DSCAM: variants seen among roughly 807,000 people sequenced by gnomAD.
DSCAM encodes DS cell adhesion molecule, also known as cell adhesion molecule DSCAM.
A neutral mutation model predicts 217.7 loss-of-function variants in DSCAM; 47 were observed. The ratio of observed to expected loss-of-function variants is 0.22; its 90% CI spans 0.17 to 0.28. The LOEUF is 0.28. DSCAM is among the 10% of genes least tolerant of loss of function. The pLI, the probability that DSCAM is intolerant of heterozygous loss-of-function variation, is 1.00. For synonymous variants in DSCAM, 1,056 were observed against 1,015.3 expected (o/e 1.04, Z -0.76); for missense variants, 2,080 against 2,618.3 (o/e 0.79, Z 4.49).
chr21:40,344,709 C>T (rs575224204), intron 6 of DSCAM, among the ~76,000 whole-genome samples: 2 of 152,130 alleles, frequency 1.3e-5, no homozygotes, highest in African/African-American at 2.4e-5. Flanking sequence ...TCTTTATCTT[C>T]GGTTTTCAGC....
intron 11 of DSCAM, among the ~76,000 whole-genome samples, chr21:40,213,804 G>A (rs1226022735): frequency 1.3e-5 from 2 of 152,106 alleles, no homozygotes; most frequent in Non-Finnish European, 2.9e-5. Context: ...TTTGACTAGG[G>A]GAATTTTACG....
rs1207853984 is a variant in DSCAM, at chr21:40,846,895, GC to G, written c.-235del. On this transcript the variant is annotated 5_prime_UTR_variant, in exon 1 of 33. Transcript: ENST00000400454. ...CTGCACACCTGCTCCCGGGCGCCGC[GC>G]CCCACGCTGCGGCCGGAGCCCAGGT... The G allele has an allele frequency of 1.3e-5, 2 of 151,534 alleles. No individual in the cohort carries two copies. Among genetic ancestry groups the G allele is most frequent in the African/African-American group, 4.8e-5 (2 of 41,350 alleles). The allele number at this position is 151,534 out of a possible 1,614,324, so 9.4% of individuals were successfully genotyped here.
chr21:40,179,897 C>T lies in DSCAM; in HGVS notation c.2780-803G>A, dbSNP rs78090457. Among the ~76,000 whole-genome samples the T allele has an allele frequency of 6.8e-3, 1,037 of 152,232 alleles. 16 individuals carry two copies. Among genetic ancestry groups the T allele is most frequent in the African/African-American group, 0.024 (989 of 41,534 alleles). On this transcript the variant is annotated intron_variant, in intron 14 of 32. Transcript: ENST00000400454. ...CAGTTGTTGACTGTAGGTGTGTGGTCGACAGCTGGTATTGGCTGGGGATGA... is the reference window on the plus strand; with the variant it reads ...CAGTTGTTGACTGTAGGTGTGTGGTTGACAGCTGGTATTGGCTGGGGATGA...
chr21:40,586,499 T>A (rs1429314426), intron 3 of DSCAM, among the ~76,000 whole-genome samples: 3 of 151,534 alleles, frequency 2.0e-5, no homozygotes, highest in Non-Finnish European at 2.9e-5. Context: ...AGGAGAAGGA[T>A]GTTTCAGCCC....
intron 20 of DSCAM, among the ~76,000 whole-genome samples, chr21:40,114,420 G>T (rs1218656066): frequency 6.6e-6 from 1 of 151,236 alleles, no homozygotes; most frequent in Non-Finnish European, 1.5e-5. Context: ...ATTCAAGATG[G>T]ATTAAAGACT....
intron 11 of DSCAM, among the ~76,000 whole-genome samples, chr21:40,266,061 C>G (rs1265293666): frequency 6.6e-6 from 1 of 152,144 alleles, no homozygotes; most frequent in East Asian, 1.9e-4. Flanking sequence ...TCAAAGTAAA[C>G]AGACAACCTA....
intron 20 of DSCAM, among the ~76,000 whole-genome samples, chr21:40,110,749 T>C (rs1392444405): frequency 6.6e-6 from 1 of 152,186 alleles, no homozygotes; most frequent in Non-Finnish European, 1.5e-5. Context: ...AACCACAGCA[T>C]GAGAACTACG....
intron 16 of DSCAM, among the ~76,000 whole-genome samples, chr21:40,153,714 C>A (rs1568970893): frequency 1.3e-5 from 2 of 152,160 alleles, no homozygotes; most frequent in African/African-American, 4.8e-5. Context: ...CAGGAATAAA[C>A]TCTGGGGGTG....
chr21:40,751,868 G>A (rs568416123), intron 1 of DSCAM, among the ~76,000 whole-genome samples: 74 of 152,230 alleles, frequency 4.9e-4, no homozygotes, highest in African/African-American at 1.8e-3. Flanking sequence ...GAAGCAAGCA[G>A]AGTGCATCAC....
At chr21:40,261,708 T>A (rs2073454347) in intron 11 of DSCAM, among the ~76,000 whole-genome samples, 1 of 151,882 alleles carries the variant, frequency 6.6e-6, no homozygotes, top group Non-Finnish European at 1.5e-5. Flanking sequence ...AGTATATACA[T>A]ATATACCAAT....
intron 32 of DSCAM, among the ~76,000 whole-genome samples, 186 bp from the exon 33 acceptor site, chr21:40,013,572 C>T (rs1404138394): frequency 1.3e-5 from 2 of 152,164 alleles, no homozygotes; most frequent in African/African-American, 4.8e-5. Context: ...CCTACCTCCT[C>T]CCTGGGCGCG....
At chr21:40,601,691 C>T (rs918718121) in intron 3 of DSCAM, among the ~76,000 whole-genome samples, 2 of 152,146 alleles carry the variant, frequency 1.3e-5, no homozygotes, top group African/African-American at 4.8e-5. Flanking sequence ...CCCCTCTATT[C>T]CTAGTTTGCT....
rs763685275 is a variant in DSCAM at position 40,270,989 on chromosome 21, GCC to G, written c.2356+5106_2356+5107del. Among the ~76,000 whole-genome samples, 555 of 152,348 alleles carry G rather than the reference GCC, an allele frequency of 3.6e-3. 4 individuals carry two copies. The highest frequency in any genetic ancestry group is 0.02 in the Middle Eastern group (6 of 294). On this transcript the variant is annotated intron_variant, in intron 11 of 32. Transcript: ENST00000400454. ...AAGGAGATGGGTTATTATATGTCAG[GCC>G]CAACATATCTGCCCTGGCAATGGCA...
chr21:40,488,715 G>T (rs915183438), intron 3 of DSCAM, among the ~76,000 whole-genome samples: 21 of 152,116 alleles, frequency 1.4e-4, no homozygotes, highest in Non-Finnish European at 3.1e-4. Context: ...AAAAGAAAAA[G>T]CTTTATTTCA....
At chr21:40,828,370 G>A (rs963649009) in intron 1 of DSCAM, among the ~76,000 whole-genome samples, 10 of 152,344 alleles carry the variant, frequency 6.6e-5, no homozygotes, top group Non-Finnish European at 1.2e-4. Context: ...TCACAGTAGC[G>A]AAGGTCATGT....
intron 3 of DSCAM, among the ~76,000 whole-genome samples, chr21:40,477,699 T>C (rs1360853547): frequency 6.6e-6 from 1 of 152,206 alleles, no homozygotes; most frequent in African/African-American, 2.4e-5. Context: ...GAGCACAAAT[T>C]TGTAATTATT....
At chr21:40,536,567 A>C (rs1412753866) in intron 3 of DSCAM, among the ~76,000 whole-genome samples, 1 of 151,784 alleles carries the variant, frequency 6.6e-6, no homozygotes, top group African/African-American at 2.4e-5. Flanking sequence ...ACGCCTGGCT[A>C]ATTTTTATTT....
chr21:40,836,047 G>A (rs1425378040), intron 1 of DSCAM, among the ~76,000 whole-genome samples: 1 of 152,182 alleles, frequency 6.6e-6, no homozygotes, highest in African/African-American at 2.4e-5. Context: ...CTGGACAAAG[G>A]AATGTGCAGC....
chr21:40,302,926 G>A (rs1465056265), intron 9 of DSCAM, among the ~76,000 whole-genome samples: 3 of 152,070 alleles, frequency 2.0e-5, no homozygotes, highest in Admixed American at 1.3e-4. Flanking sequence ...AATAAGACAG[G>A]CATTTTTCTA....
Sources: gnomAD v4.1 joint callset for allele counts (sites outside exome capture counted in the v4.1 genomes callset) on GRCh38, gnomAD v4.1.1 for gene constraint, MANE v1.5 for transcripts, NCBI Gene and HGNC (gene_info 2026-07-23, HGNC 2026-07-21) for gene names.